NSMCE1: variants seen among roughly 807,000 people sequenced by gnomAD.
The protein encoded by NSMCE1 is NSE1 component of SMC5/6 complex, also known as non-structural maintenance of chromosomes element 1 homolog.
A neutral mutation model predicts 29.6 loss-of-function variants in NSMCE1; 18 were observed. The ratio of observed to expected loss-of-function variants is 0.61; its 90% CI spans 0.42 to 0.90. The LOEUF (loss-of-function observed/expected upper bound fraction) is 0.90, where lower values mean the gene tolerates loss of function less well. Among genes scored for constraint, NSMCE1 ranks in the 40% least tolerant of loss-of-function variants. The pLI, the probability that NSMCE1 is intolerant of heterozygous loss-of-function variation, is 0.00. For missense variants in NSMCE1, 314 were observed against 343.6 expected, an observed-to-expected ratio of 0.91 and a Z score of 0.68; for synonymous variants, 124 against 133.4, an observed-to-expected ratio of 0.93 and a Z score of 0.49.
intron 2 of NSMCE1, among the ~76,000 whole-genome samples, chr16:27,244,028 T>C (rs4410081): frequency 0.29 from 44,157 of 152,126 alleles, 7,589 homozygotes; most frequent in African/African-American, 0.45. Context: ...ACCAATCACA[T>C]AGGACGCCCC....
At chr16:27,251,105 T>A (rs2084023148) in intron 2 of NSMCE1, among the ~76,000 whole-genome samples, 1 of 144,570 alleles carries the variant, frequency 6.9e-6, no homozygotes, top group African/African-American at 2.5e-5. Flanking sequence ...CCTCCCAAAG[T>A]GCTGGGATTA....
intron 2 of NSMCE1, among the ~76,000 whole-genome samples, chr16:27,255,283 T>G (rs925874599): frequency 6.6e-6 from 1 of 152,172 alleles, no homozygotes; most frequent in Non-Finnish European, 1.5e-5. Context: ...CTGGTACAAC[T>G]GCGGCGCATC....
At chr16:27,262,115 G>A (rs549875019) in intron 1 of NSMCE1, among the ~76,000 whole-genome samples, 4 of 152,066 alleles carry the variant, frequency 2.6e-5, no homozygotes, top group South Asian at 2.1e-4. Flanking sequence ...GGGGTGGCAC[G>A]CGCCTGTAAT....
chr16:27,262,933 C>G (rs545354305), intron 1 of NSMCE1, among the ~76,000 whole-genome samples: 89 of 151,846 alleles, frequency 5.9e-4, no homozygotes, highest in Non-Finnish European at 1.2e-3. Flanking sequence ...GGTCAACAAG[C>G]ATATGAAAAA....
intron 2 of NSMCE1, among the ~76,000 whole-genome samples, chr16:27,243,598 A>T (rs1442825379): frequency 6.6e-6 from 1 of 152,162 alleles, no homozygotes; most frequent in Non-Finnish European, 1.5e-5. Context: ...CTAACCCACA[A>T]TCATGGCCCA....
intron 2 of NSMCE1, among the ~76,000 whole-genome samples, chr16:27,251,190 A>ATATATATATATATATATATATAT (rs1491248903): frequency 2.3e-5 from 1 of 42,650 alleles, no homozygotes; most frequent in Non-Finnish European, 3.8e-5. Context: ...ATATATATAT[A>ATATATATATATATATATATATAT]AATATATATA....
chr16:27,245,054 T>C (rs180888729), intron 2 of NSMCE1, among the ~76,000 whole-genome samples: 219 of 151,966 alleles, frequency 1.4e-3, no homozygotes, highest in African/African-American at 5.1e-3. Flanking sequence ...CCCCCAGCAA[T>C]TGGGATTAGA....
At chr16:27,251,207 T>TAAAA (rs58691360) in intron 2 of NSMCE1, among the ~76,000 whole-genome samples, 23 of 70,758 alleles carry the variant, frequency 3.3e-4, no homozygotes, top group Admixed American at 3.8e-4. Context: ...TATATATATA[T>TAAAA]AAAACTCTGT....
intron 5 of NSMCE1, among the ~76,000 whole-genome samples, chr16:27,229,096 C>T (rs991812018): frequency 6.6e-6 from 1 of 152,226 alleles, no homozygotes; most frequent in Non-Finnish European, 1.5e-5. Context: ...ACGCGTATCT[C>T]CCGGGCTGCC....
intron 2 of NSMCE1, among the ~76,000 whole-genome samples, chr16:27,238,152 G>A (rs1039093606): frequency 2.0e-5 from 3 of 152,194 alleles, no homozygotes; most frequent in African/African-American, 7.2e-5. Context: ...GGTGGCATGG[G>A]GCCAGAAGCA....
chr16:27,257,230 C>T, intron 2 of NSMCE1: 1 of 437,846 alleles, frequency 2.3e-6, no homozygotes, highest in Non-Finnish European at 4.0e-6. Flanking sequence ...AGTTTTTATC[C>T]ACAGGGCTAA....
At chr16:27,264,395 G>A (rs2084196427) in intron 1 of NSMCE1, among the ~76,000 whole-genome samples, 1 of 151,986 alleles carries the variant, frequency 6.6e-6, no homozygotes, top group African/African-American at 2.4e-5. Context: ...AACAAAAAAA[G>A]CACTTCTTAT....
intron 3 of NSMCE1, among the ~76,000 whole-genome samples, chr16:27,234,729 T>C (rs2083800426): frequency 1.3e-5 from 2 of 152,220 alleles, no homozygotes; most frequent in Admixed American, 6.5e-5. Flanking sequence ...AGCAGCCAGA[T>C]GTCCTCTGAC....
At chr16:27,260,000 C>A (rs951896315) in intron 1 of NSMCE1, among the ~76,000 whole-genome samples, 1 of 152,044 alleles carries the variant, frequency 6.6e-6, no homozygotes, top group African/African-American at 2.4e-5. Flanking sequence ...AGCAGGTGCT[C>A]CCTAAAGGAA....
At chr16:27,266,490 G>C (rs373261235) in intron 1 of NSMCE1, 1 of 152,004 alleles carries the variant, frequency 6.6e-6, no homozygotes, top group South Asian at 2.1e-4. Context: ...GGTGGTGCAC[G>C]CCTGTAATCC....
rs763907312 is a variant in NSMCE1 at position 27,235,263 on chromosome 16, T to C, written c.173A>G (p.Asn58Ser). 2 of 1,613,688 alleles carry C rather than the reference T, an allele frequency of 1.2e-6. No homozygotes were observed. Among genetic ancestry groups the C allele is most frequent in the Non-Finnish European group, 1.7e-6 (2 of 1,179,778 alleles). Residue 58 changes from asparagine (N) to serine (S), a missense_variant, in exon 3 of 8, where the codon AAC becomes AGC. By Grantham distance (46) the Asn-to-Ser change is conservative. Transcript: ENST00000361439. Reference sequence around the variant, plus strand: ...GGACTCCAAGACACTGTTAATGTTGTTGATGAAGTCCTCCAACTTATCTAC... The same window carrying C: ...GGACTCCAAGACACTGTTAATGTTGCTGATGAAGTCCTCCAACTTATCTAC... ...ATVDKLEDFINNINSVLESLY... is the reference protein window; with the variant it reads ...ATVDKLEDFISNINSVLESLY...
At chr16:27,243,897 C>T (rs569514411) in intron 2 of NSMCE1, among the ~76,000 whole-genome samples, 28 of 152,298 alleles carry the variant, frequency 1.8e-4, no homozygotes, top group South Asian at 1.2e-3. Flanking sequence ...GTGTTCCTCC[C>T]GCCTCAGCCT....
chr16:27,252,551 C>T (rs1048851920), intron 2 of NSMCE1, among the ~76,000 whole-genome samples: 47 of 151,920 alleles, frequency 3.1e-4, no homozygotes, highest in African/African-American at 1.1e-3. Context: ...GGAAGGCTGA[C>T]GCAGGATGAT....
At chr16:27,231,454 T>TG (rs979444213) in intron 5 of NSMCE1, among the ~76,000 whole-genome samples, 1 of 152,000 alleles carries the variant, frequency 6.6e-6, no homozygotes, top group Non-Finnish European at 1.5e-5. Context: ...CTGGTCAACA[T>TG]GGAGGAACCC....
Sources: gnomAD v4.1 joint callset for allele counts (sites outside exome capture counted in the v4.1 genomes callset) on GRCh38, gnomAD v4.1.1 for gene constraint, MANE v1.5 for transcripts, NCBI Gene and HGNC (gene_info 2026-07-23, HGNC 2026-07-21) for gene names.